SLC35F4: variants seen among roughly 807,000 people sequenced by gnomAD.
SLC35F4 encodes the protein solute carrier family 35 member F4.
A neutral mutation model predicts 44.2 loss-of-function variants in SLC35F4; 24 were observed. The observed-to-expected ratio is 0.54, with a 90% CI of 0.39 to 0.76. The LOEUF (loss-of-function observed/expected upper bound fraction) is 0.76, where lower values mean the gene tolerates loss of function less well. Among genes scored for constraint, SLC35F4 ranks in the 30% least tolerant of loss-of-function variants. The pLI is 0.00. For synonymous variants in SLC35F4, 238 were observed against 223.6 expected (o/e 1.06, Z -0.57); for missense variants, 562 against 586.1 (o/e 0.96, Z 0.42).
chr14:57,716,295 C>CT (rs34360062), intron 1 of SLC35F4, among the ~76,000 whole-genome samples: 81,395 of 149,212 alleles, frequency 0.55, 22,233 homozygotes, highest in South Asian at 0.59. Context: ...CTCATTTTCA[C>CT]TTTTTTTTTT....
At chr14:57,706,812 G>A (rs1030884439) in intron 1 of SLC35F4, among the ~76,000 whole-genome samples, 1 of 152,134 alleles carries the variant, frequency 6.6e-6, no homozygotes, top group Non-Finnish European at 1.5e-5. Context: ...CTGGAGAAGT[G>A]GGCCAGATAA....
At chr14:57,849,264 C>T (rs1459483276) in intron 1 of SLC35F4, among the ~76,000 whole-genome samples, 3 of 152,196 alleles carry the variant, frequency 2.0e-5, no homozygotes, top group African/African-American at 4.8e-5. Flanking sequence ...TGGGTTCAAG[C>T]GATCCTGCTG....
At chr14:57,750,186 A>AT (rs2076851229) in intron 1 of SLC35F4, among the ~76,000 whole-genome samples, 2 of 152,134 alleles carry the variant, frequency 1.3e-5, no homozygotes, top group Admixed American at 6.6e-5. Context: ...AATGATGTCC[A>AT]TTTCCATCCA....
rs35951590 is a variant in SLC35F4, at chr14:57,670,902, CTTTTTTT to C, written c.104-76785_104-76779del. 7.5e-5 allele frequency among the ~76,000 whole-genome samples: 8 copies of C among 107,362 alleles called. No individual in the cohort carries two copies. In the Admixed American group the frequency reaches 9.0e-4, roughly 12 times the overall value. The allele number at this position is 107,362 out of a possible 152,430, so 70.4% of individuals were successfully genotyped here. ...GGAGCTTCTTGGTAACTCATTCATT[CTTTTTTT>C]TTTTTTTTTTTTTGAGACGGAGTCT... On this transcript the variant is annotated intron_variant, in intron 1 of 7. Transcript: ENST00000556826.
intron 1 of SLC35F4, among the ~76,000 whole-genome samples, chr14:57,831,932 G>A (rs569365733): frequency 6.6e-6 from 1 of 152,282 alleles, no homozygotes; most frequent in South Asian, 2.1e-4. Context: ...GTATATCCGT[G>A]TCTTCACAAG....
chr14:57,819,408 CA>C lies in SLC35F4; in HGVS notation c.103+46314del, dbSNP rs972586787. On this transcript the variant is annotated intron_variant, in intron 1 of 7. Transcript: ENST00000556826. ...ATTCATTAATCAAATCTAATACAAA[CA>C]AAAACTTCAACAAAGTTGTTCATGA... 1.1e-3 allele frequency among the ~76,000 whole-genome samples: 166 copies of C among 151,978 alleles called. 1 individual carries two copies. The highest frequency in any genetic ancestry group is 1.8e-3 in the Non-Finnish European group (125 of 67,976).
chr14:57,741,203 G>A (rs527550841), intron 1 of SLC35F4, among the ~76,000 whole-genome samples: 25 of 152,290 alleles, frequency 1.6e-4, no homozygotes, highest in South Asian at 1.5e-3. Flanking sequence ...GCAGCTCCTC[G>A]CCAGCAACGG....
chr14:57,603,809 G>C (rs542635467), intron 1 of SLC35F4, among the ~76,000 whole-genome samples: 1 of 152,236 alleles, frequency 6.6e-6, no homozygotes, highest in East Asian at 1.9e-4. Flanking sequence ...TTGCAACCAA[G>C]AGTCCTGTTT....
At chr14:57,779,301 T>C (rs779092013) in intron 1 of SLC35F4, among the ~76,000 whole-genome samples, 1 of 151,970 alleles carries the variant, frequency 6.6e-6, no homozygotes. Context: ...ATAAAGGAGA[T>C]ATTACCACTG....
chr14:57,949,278 A>C (rs887777263), intron 1 of SLC35F4, among the ~76,000 whole-genome samples: 1 of 152,142 alleles, frequency 6.6e-6, no homozygotes, highest in African/African-American at 2.4e-5. Flanking sequence ...GTCTTTATAT[A>C]ATGTTCCTCT....
chr14:57,651,810 G>C (rs148345216), intron 1 of SLC35F4, among the ~76,000 whole-genome samples: 1 of 152,332 alleles, frequency 6.6e-6, no homozygotes, highest in East Asian at 1.9e-4. Context: ...AGAGGGGCGT[G>C]AAATACTGAG....
At chr14:57,603,307 T>G (rs1595016287) in intron 1 of SLC35F4, among the ~76,000 whole-genome samples, 1 of 152,154 alleles carries the variant, frequency 6.6e-6, no homozygotes, top group Admixed American at 6.5e-5. Context: ...TTAAAAAAAA[T>G]CTCAGCCCAG....
chr14:57,584,162 T>C (rs777396641), intron 3 of SLC35F4, among the ~76,000 whole-genome samples: 9 of 152,126 alleles, frequency 5.9e-5, no homozygotes, highest in South Asian at 2.1e-4. Flanking sequence ...TAATATGGTA[T>C]ATATTTTTTT....
At chr14:57,621,751 G>A (rs2072192464) in intron 1 of SLC35F4, among the ~76,000 whole-genome samples, 1 of 150,776 alleles carries the variant, frequency 6.6e-6, no homozygotes, top group Non-Finnish European at 1.5e-5. Flanking sequence ...CAGGACACAG[G>A]CATGGGCAAG....
intron 1 of SLC35F4, among the ~76,000 whole-genome samples, chr14:57,697,655 T>G (rs7157866): frequency 0.32 from 48,261 of 151,434 alleles, 7,750 homozygotes; most frequent in South Asian, 0.38. Flanking sequence ...GAACTGTGAT[T>G]GTGCCACTGC....
intron 1 of SLC35F4, among the ~76,000 whole-genome samples, chr14:57,808,111 A>C (rs1335064088): frequency 6.6e-6 from 1 of 151,890 alleles, no homozygotes; most frequent in African/African-American, 2.4e-5. Context: ...ACTACAATTC[A>C]AGGTGAGAGT....
At chr14:57,681,515 A>C (rs7144558) in intron 1 of SLC35F4, among the ~76,000 whole-genome samples, 20,637 of 152,130 alleles carry the variant, frequency 0.14, 1,745 homozygotes, top group African/African-American at 0.22. Context: ...AGTTGGATTA[A>C]AGACTTAGAC....
Position 57,602,624 on chromosome 14 carries a change from T to G in SLC35F4, c.104-8500A>C, listed in dbSNP as rs145350820. The G allele has an allele frequency of 1.2e-3, 190 of 152,286 alleles. 1 individual carries two copies. Among genetic ancestry groups the G allele is most frequent in the Middle Eastern group, 6.8e-3 (2 of 294 alleles). The allele number at this position is 152,286 out of a possible 1,614,324, so 9.4% of individuals were successfully genotyped here. A position where few individuals can be genotyped will look rare whatever the true frequency, so the allele number is the denominator to read the frequency against. On this transcript the variant is annotated intron_variant, in intron 1 of 7. Transcript: ENST00000556826. ...CAATGCACAATAATCATACCTTGTA[T>G]GTAAGCCAGTTATAATCATTCTTCC... is the stretch of plus-strand genomic sequence containing the variant.
upstream of SLC35F4, chr14:57,866,127 G>A (rs145469049): frequency 0.037 from 6,882 of 185,048 alleles, 199 homozygotes; most frequent in Admixed American, 0.072. Flanking sequence ...ACCGTGGCCG[G>A]GGGCGGGTGT....
Sources: allele counts gnomAD v4.1 joint callset (sites outside exome capture counted in the v4.1 genomes callset), GRCh38; gene constraint gnomAD v4.1.1; transcripts MANE v1.5; gene names NCBI Gene and HGNC (gene_info 2026-07-23, HGNC 2026-07-21).